The following MLIP variants were observed in gnomAD, a reference collection of about 807,000 sequenced individuals.
MLIP encodes muscular LMNA-interacting protein.
A neutral mutation model predicts 84.8 loss-of-function variants in MLIP; 79 were observed. The observed-to-expected ratio is 0.93, with a 90% CI of 0.78 to 1.12. The LOEUF (loss-of-function observed/expected upper bound fraction) is 1.12, where lower values mean the gene tolerates loss of function less well. Ranked by LOEUF, MLIP falls within the 50% of genes most tolerant of loss-of-function variation. MLIP has a pLI of 0.00. For synonymous variants in MLIP, 504 were observed against 463.0 expected (o/e 1.09, Z -1.14); for missense variants, 1,257 against 1,160.6 (o/e 1.08, Z -1.21).
chr6:54,037,904 T>C (rs1764534180), intron 1 of MLIP, among the ~76,000 whole-genome samples: 1 of 151,986 alleles, frequency 6.6e-6, no homozygotes, highest in African/African-American at 2.4e-5. Flanking sequence ...AATTTGTTAG[T>C]GTATTGTAAT....
Position 54,224,830 on chromosome 6 carries a change from C to T in MLIP, c.2719-5884C>T, listed in dbSNP as rs567673267. 1.4e-4 allele frequency among the ~76,000 whole-genome samples: 22 copies of T among 152,144 alleles called. No individual in the cohort carries two copies. In the South Asian group the frequency reaches 4.4e-3, roughly 30 times the overall value. On this transcript the variant is annotated intron_variant, in intron 11 of 13. Transcript: ENST00000502396. ...GCTCCCACATATCACTGAGAACATA[C>T]GATGTTTGATTTTCCATCACTGAGT... is the stretch of plus-strand genomic sequence containing the variant.
At chr6:54,227,536 T>A (rs1350968732) in intron 11 of MLIP, among the ~76,000 whole-genome samples, 1 of 152,210 alleles carries the variant, frequency 6.6e-6, no homozygotes, top group African/African-American at 2.4e-5. Flanking sequence ...AAGCGCATAC[T>A]GGGGTATTTT....
At chr6:54,241,064 T>A (rs1030260161) in intron 12 of MLIP, among the ~76,000 whole-genome samples, 1 of 151,790 alleles carries the variant, frequency 6.6e-6, no homozygotes, top group Non-Finnish European at 1.5e-5. Flanking sequence ...CCGGGCGACC[T>A]CAAAGTTTTT....
At chr6:54,207,419 C>A (rs1226655240) in intron 11 of MLIP, among the ~76,000 whole-genome samples, 3 of 142,500 alleles carry the variant, frequency 2.1e-5, no homozygotes, top group South Asian at 5.1e-4. Context: ...ACCCCCCCCC[C>A]CTTTTTTGAC....
chr6:54,083,762 G>A, intron 1 of MLIP: 1 of 885,418 alleles, frequency 1.1e-6, no homozygotes, highest in Non-Finnish European at 1.7e-6. Context: ...GTTTATAATG[G>A]TATCAGACAA....
intron 10 of MLIP, among the ~76,000 whole-genome samples, chr6:54,192,668 T>G (rs1293202042): frequency 3.3e-5 from 5 of 151,948 alleles, no homozygotes; most frequent in Admixed American, 6.6e-5. Context: ...CATACACATA[T>G]AGATGACATA....
At position 54,149,132 on chromosome 6, in the gene MLIP, GT is replaced by G; in HGVS notation, c.2289+6del. 6.2e-7 allele frequency: 1 copy of G among 1,609,762 alleles called. No homozygotes were observed. Among genetic ancestry groups the G allele is most frequent in the Non-Finnish European group, 8.5e-7 (1 of 1,177,382 alleles). On this transcript the variant is annotated splice_donor_region_variant and intron_variant, in intron 5 of 13. Coordinates refer to ENST00000502396, the MANE Select transcript of MLIP (RefSeq NM_001281747.2). ...ACATTGCTTTTGGAACAGAAGGTCA[GT>G]GTTGGCTCAAAAACAGTGAATTTTA...
chr6:54,261,783 A>G, intron 13 of MLIP: 1 of 967,662 alleles, frequency 1.0e-6, no homozygotes, highest in Non-Finnish European at 1.2e-6. Context: ...CAAGGGTAAA[A>G]ATAAAATTAT....
intron 1 of MLIP, among the ~76,000 whole-genome samples, chr6:54,059,458 A>C (rs1346703638): frequency 6.6e-6 from 1 of 152,198 alleles, no homozygotes; most frequent in African/African-American, 2.4e-5. Context: ...TTATTCTCTA[A>C]ATTGAGAAAT....
At chr6:54,172,616 C>T (rs1423725152) in intron 9 of MLIP, among the ~76,000 whole-genome samples, 3 of 151,200 alleles carry the variant, frequency 2.0e-5, no homozygotes, top group African/African-American at 4.8e-5. Flanking sequence ...TTCCAGTTTT[C>T]CTGGGATAAT....
At chr6:54,136,570 AAAATAG>A in intron 3 of MLIP, 139 bp from the exon 4 acceptor site, 2 of 752,022 alleles carry the variant, frequency 2.7e-6, no homozygotes, top group Non-Finnish European at 4.0e-6. Context: ...CCTCATTAGC[AAAATAG>A]AATTTCCTTC....
At position 54,204,966 on chromosome 6, in the gene MLIP, T is replaced by C. The variant is rs1778937019; in HGVS notation, c.2718+2733T>C. On this transcript the variant is annotated intron_variant, in intron 11 of 13. Transcript: ENST00000502396. ...AATTGAAAGAAGCCTAGCATACCAC[T>C]TAAAAGTGAATTCCAAAGGTCCCCT... 2.6e-5 allele frequency among the ~76,000 whole-genome samples: 4 copies of C among 152,258 alleles called. No individual in the cohort carries two copies. The South Asian group carries it at 8.3e-4, about 32-fold the overall frequency.
At chr6:54,232,701 T>C (rs774596297) in intron 12 of MLIP, among the ~76,000 whole-genome samples, 43 of 152,366 alleles carry the variant, frequency 2.8e-4, no homozygotes, top group Non-Finnish European at 4.6e-4. Context: ...TTCTTTTTAC[T>C]TGAAATAACT....
chr6:54,239,052 G>A (rs1158218291), intron 12 of MLIP, among the ~76,000 whole-genome samples: 1 of 151,968 alleles, frequency 6.6e-6, no homozygotes, highest in African/African-American at 2.4e-5. Context: ...TTTTATGCAA[G>A]GGCTAGTTCT....
chr6:54,158,865 G>A (rs1174481544), intron 5 of MLIP, among the ~76,000 whole-genome samples: 4 of 84,702 alleles, frequency 4.7e-5, no homozygotes. Context: ...GTTGCAAGAA[G>A]TATGATAAAA....
chr6:54,145,792 C>CCG (rs1772758070), intron 4 of MLIP, among the ~76,000 whole-genome samples: 7 of 142,984 alleles, frequency 4.9e-5, no homozygotes, highest in Admixed American at 2.0e-4. Flanking sequence ...CCCCCTCCCC[C>CCG]ACAAAAAAAA....
chr6:54,217,489 C>G (rs1473298353), intron 11 of MLIP: 1 of 985,180 alleles, frequency 1.0e-6, no homozygotes, highest in Non-Finnish European at 1.2e-6. Context: ...GTCAGTTAAG[C>G]AGAGCTAAAT....
At chr6:54,151,517 A>T (rs555521062) in intron 5 of MLIP, among the ~76,000 whole-genome samples, 2 of 152,268 alleles carry the variant, frequency 1.3e-5, no homozygotes, top group East Asian at 1.9e-4. Flanking sequence ...GAAGAATAAA[A>T]ATCTTGCAAT....
intron 13 of MLIP, among the ~76,000 whole-genome samples, chr6:54,264,720 T>C (rs1288189146): frequency 6.6e-6 from 1 of 152,058 alleles, no homozygotes; most frequent in Non-Finnish European, 1.5e-5. Context: ...TTAGAAAAAT[T>C]AATGAGCAGA....
Sources: allele counts gnomAD v4.1 joint callset (sites outside exome capture counted in the v4.1 genomes callset), GRCh38; gene constraint gnomAD v4.1.1; transcripts MANE v1.5; gene names NCBI Gene and HGNC (gene_info 2026-07-23, HGNC 2026-07-21).